ZNF44: variants seen among roughly 807,000 people sequenced by gnomAD.
ZNF44 encodes zinc finger protein 44.
ZNF44 carries 9 observed loss-of-function variants against 11.7 expected under a neutral mutation model. The observed-to-expected ratio is 0.77, with a 90% CI of 0.46 to 1.35. ZNF44 has a LOEUF of 1.35. Ranked by LOEUF, ZNF44 falls within the 40% of genes most tolerant of loss-of-function variation. The pLI, the probability that ZNF44 is intolerant of heterozygous loss-of-function variation, is 0.00. For missense variants in ZNF44, 696 were observed against 743.1 expected (o/e 0.94, Z 0.74); for synonymous variants, 224 against 242.7 (o/e 0.92, Z 0.72).
Position 12,279,615 on chromosome 19 carries a change from A to C in ZNF44, c.4-3533T>G, listed in dbSNP as rs556610940. 4.6e-5 allele frequency among the ~76,000 whole-genome samples: 7 copies of C among 152,280 alleles called. No homozygotes were observed. In the South Asian group the frequency reaches 1.4e-3, roughly 32 times the overall value. On this transcript the variant is annotated intron_variant, in intron 1 of 3. Coordinates refer to ENST00000355684, the MANE Select transcript of ZNF44 (RefSeq NM_016264.4). Reference sequence around the variant, plus strand: ...ATTTACTGAATAAAAACAGTAAAGCAACTGTCTTAAATATATTTAACTTAG... The same window carrying C: ...ATTTACTGAATAAAAACAGTAAAGCCACTGTCTTAAATATATTTAACTTAG...
chr19:12,264,094 A>G (rs1040164326), intron 5 of ZNF44, among the ~76,000 whole-genome samples: 1 of 152,066 alleles, frequency 6.6e-6, no homozygotes, highest in African/African-American at 2.4e-5. Flanking sequence ...ATCAAACGAA[A>G]CAACAACTAC....
At chr19:12,291,598 T>C (rs933269266) in intron 1 of ZNF44, among the ~76,000 whole-genome samples, 1 of 152,020 alleles carries the variant, frequency 6.6e-6, no homozygotes, top group Admixed American at 6.6e-5. Flanking sequence ...CTTGGGATGC[T>C]GAGGTGGAAG....
chr19:12,253,573 C>T (rs570672166), intron 5 of ZNF44, among the ~76,000 whole-genome samples: 5 of 152,114 alleles, frequency 3.3e-5, no homozygotes, highest in African/African-American at 1.2e-4. Context: ...CTGCAAAATG[C>T]ACAAGGCAAA....
In ZNF44 at chr19:12,273,204, A is replaced by C. The variant is rs537965019; in HGVS notation, c.1051T>G (p.Ser351Ala). The C allele has an allele frequency of 3.0e-5, 49 of 1,614,040 alleles. 1 individual carries two copies. In the South Asian group the frequency reaches 5.4e-4, roughly 18 times the overall value. Residue 351 changes from serine to alanine, a missense_variant, in exon 4 of 4, where the codon TCA becomes GCA. Ser to Ala is a moderately conservative substitution (Grantham distance 99). Transcript: ENST00000355684. ...ICGKGFDFPG[S>A]ARIHEGTHTL... ...TGAGTTCCTTCATGAATTCGTGCTGAACCAGGAAAATCAAAGCCTTTCCCA... is the reference window on the plus strand; with the variant it reads ...TGAGTTCCTTCATGAATTCGTGCTGCACCAGGAAAATCAAAGCCTTTCCCA...
At chr19:12,228,181 TTTTTAAACCTTC>T (rs1915999577) in intron 3 of ZNF44, among the ~76,000 whole-genome samples, 1 of 105,676 alleles carries the variant, frequency 9.5e-6, no homozygotes, top group Non-Finnish European at 1.9e-5. Context: ...TAACTTAACT[TTTTTAAACCTTC>T]AAAACAATTG....
chr19:12,244,028 T>G (rs1916700418), downstream of ZNF44, among the ~76,000 whole-genome samples: 1 of 152,090 alleles, frequency 6.6e-6, no homozygotes. Context: ...CAGAAACCAG[T>G]CTATTTTTCT....
At chr19:12,276,172 T>C (rs1376891283) in intron 1 of ZNF44, 90 bp from the exon 2 acceptor site, 1 of 1,535,144 alleles carries the variant, frequency 6.5e-7, no homozygotes, top group Non-Finnish European at 8.9e-7. Flanking sequence ...CATGATGCTG[T>C]GGTTTCCAAG....
At position 12,251,716 on chromosome 19, in the gene ZNF44, G is replaced by A. The variant is rs1434890606; in HGVS notation, c.1913-1348C>T. On this transcript the variant is annotated intron_variant and NMD_transcript_variant, in intron 5 of 7. Coordinates refer to the ZNF44 transcript ENST00000393337. ...AGCTCTTTCCAGCAGAACCATTCCA[G>A]TTAACCTTGGGACTTGCTGACCTTG... is the stretch of plus-strand genomic sequence containing the variant. 2.0e-5 allele frequency among the ~76,000 whole-genome samples: 3 copies of A among 152,162 alleles called. No individual in the cohort carries two copies. In the South Asian group the frequency reaches 6.2e-4, roughly 32 times the overall value.
intron 5 of ZNF44, among the ~76,000 whole-genome samples, chr19:12,264,133 C>G (rs1015051107): frequency 3.5e-5 from 5 of 142,556 alleles, no homozygotes; most frequent in African/African-American, 5.8e-5. Context: ...AAAAACAGGC[C>G]CAAGGAAACT....
chr19:12,273,889 G>C lies in ZNF44; in HGVS notation c.366C>G (p.Ile122Met), dbSNP rs773422494. ...GGTGTTTGTGTCCAGTATCAACTCT[G>C]ATGTAGCAATTCAGGGATGAATGAC... ...IMGHSSLNCYIRVDTGHKHRE... is the reference protein window; with the variant it reads ...IMGHSSLNCYMRVDTGHKHRE... Residue 122 changes from isoleucine to methionine, a missense_variant, in exon 4 of 4, where the codon ATC (isoleucine) becomes ATG (methionine). Transcript: ENST00000355684. 6.2e-7 allele frequency: 1 copy of C among 1,614,148 alleles called. No homozygotes were observed.
intron 1 of ZNF44, chr19:12,293,476 GTTT>G: frequency 8.2e-7 from 1 of 1,223,558 alleles, no homozygotes; most frequent in Non-Finnish European, 1.1e-6. Context: ...CAAAGGTTTG[GTTT>G]TTTTTACAGC....
At chr19:12,274,863 T>G in intron 3 of ZNF44, 110 bp downstream of exon 3, 1 of 707,408 alleles carries the variant, frequency 1.4e-6, no homozygotes, top group Non-Finnish European at 2.3e-6. Context: ...TTTCTAAGAA[T>G]AAATAAATTT....
Position 12,273,756 on chromosome 19 carries a change from T to C in ZNF44, c.499A>G (p.Lys167Glu). The change falls in exon 4 of 4, where the codon AAA (lysine) becomes GAA (glutamate). Residue 167 changes from lysine (K) to glutamate (E), a missense_variant. Lys to Glu is a moderately conservative substitution (Grantham distance 56). Transcript: ENST00000355684. The stretch of plus-strand genomic sequence containing the variant: ...CCACATTCCTTACAATCATAGGGTT[T>C]CTTTCCAGTGTGAGGCCTTTCACAT... ...QTCERPHTGK[K>E]PYDCKECGKT... 1 of 1,614,204 alleles carries C rather than the reference T, an allele frequency of 6.2e-7. No individual in the cohort carries two copies. Among genetic ancestry groups the C allele is most frequent in the Non-Finnish European group, 8.5e-7 (1 of 1,180,022 alleles).
chr19:12,253,601 G>A (rs2145695000), intron 5 of ZNF44, among the ~76,000 whole-genome samples: 1 of 152,252 alleles, frequency 6.6e-6, no homozygotes, highest in East Asian at 1.9e-4. Context: ...AGGACTACAA[G>A]GAGAGATACA....
rs200932397 is a variant in ZNF44, at chr19:12,273,963, C to A, written c.292G>T (p.Ala98Ser). The change falls in exon 4 of 4, where the codon GCC becomes TCC. Residue 98 changes from alanine to serine, a missense_variant. Physicochemically the swap from Ala to Ser is moderately conservative, Grantham distance 99. Coordinates refer to ENST00000355684, the MANE Select transcript of ZNF44 (RefSeq NM_016264.4). ...CTGCTTCCACATGCATCTACTCTGG[C>A]GGGAGTGTTCTTGTTTACAATACTA... ...RNSIVNKNTP[A>S]RVDACGSSVN... 2.5e-6 allele frequency: 4 copies of A among 1,613,920 alleles called. No homozygotes were observed. In the African/African-American group the frequency reaches 4.0e-5, roughly 16 times the overall value.
chr19:12,246,869 A>G (rs905438617), downstream of ZNF44, among the ~76,000 whole-genome samples: 12 of 150,728 alleles, frequency 8.0e-5, no homozygotes, highest in Admixed American at 2.7e-4. Flanking sequence ...AAAAAAAAAA[A>G]TAAAACAAAA....
At chr19:12,293,284 G>A (rs1369097447) in intron 1 of ZNF44, 1 of 1,536,926 alleles carries the variant, frequency 6.5e-7, no homozygotes, top group Non-Finnish European at 8.7e-7. Context: ...TCTGGGAAGA[G>A]TGACCCAAGG....
intron 5 of ZNF44, among the ~76,000 whole-genome samples, chr19:12,252,797 T>G (rs1476442561): frequency 6.7e-6 from 1 of 148,332 alleles, no homozygotes; most frequent in Non-Finnish European, 1.5e-5. Flanking sequence ...AGGTAAAGAG[T>G]CAAACACTGA....
chr19:12,237,730 G>C (rs1245602134), upstream of ZNF44: 1 of 152,508 alleles, frequency 6.6e-6, no homozygotes, highest in Admixed American at 6.5e-5. Flanking sequence ...GGAAAACTCG[G>C]AAGTGTGGAG....
Sources: gnomAD v4.1 joint callset for allele counts (sites outside exome capture counted in the v4.1 genomes callset) on GRCh38, gnomAD v4.1.1 for gene constraint, MANE v1.5 for transcripts, NCBI Gene and HGNC (gene_info 2026-07-23, HGNC 2026-07-21) for gene names.